CDK17: variants seen among roughly 807,000 people sequenced by gnomAD.
CDK17 encodes the protein cyclin dependent kinase 17, also known as cyclin-dependent kinase 17.
Under a neutral mutation model 77.6 loss-of-function variants are expected in CDK17, and 24 were observed. The observed-to-expected ratio is 0.31, with a 90% CI of 0.22 to 0.44. The LOEUF is 0.44. Ranked by LOEUF, CDK17 falls within the 20% of genes least tolerant of loss-of-function variation. CDK17 has a pLI of 1.00. For missense variants in CDK17, 429 were observed against 622.5 expected (o/e 0.69, Z 3.31); for synonymous variants, 203 against 210.4 (o/e 0.96, Z 0.30).
At position 96,329,524 on chromosome 12, in the gene CDK17, T is replaced by C. The variant is rs567524079; in HGVS notation, c.118+5195A>G. On this transcript the variant is annotated intron_variant, in intron 2 of 16. Transcript: ENST00000261211. ...ACATGCAATTTCATAGCCCAACTTG[T>C]AGCCTAAGCCATTCCCTCCTCCCAA... is the stretch of plus-strand genomic sequence containing the variant. Among the ~76,000 whole-genome samples, 12 of 152,322 alleles carry C rather than the reference T, an allele frequency of 7.9e-5. No homozygotes were observed. The East Asian group carries it at 2.3e-3, about 29-fold the overall frequency.
Position 96,337,387 on chromosome 12 carries a change from C to A in CDK17, c.-29-2522G>T, listed in dbSNP as rs78211903. 7.1e-3 allele frequency among the ~76,000 whole-genome samples: 1,074 copies of A among 152,252 alleles called. 13 individuals carry two copies. Among genetic ancestry groups the A allele is most frequent in the African/African-American group, 0.024 (993 of 41,550 alleles). On this transcript the variant is annotated intron_variant, in intron 1 of 16. Transcript: ENST00000261211. The stretch of plus-strand genomic sequence containing the variant: ...CAGAGTGTGTCTGTCTCCCTTCTCT[C>A]CTGAATCTTGACTCTTCAAGTGTTG...
chr12:96,327,880 G>A (rs897346145), intron 2 of CDK17, among the ~76,000 whole-genome samples: 3 of 152,238 alleles, frequency 2.0e-5, no homozygotes, highest in East Asian at 3.9e-4. Context: ...CAGATCAACT[G>A]TTAAACATAT....
chr12:96,324,977 AGAC>A, intron 2 of CDK17, among the ~76,000 whole-genome samples: 1 of 152,276 alleles, frequency 6.6e-6, no homozygotes, highest in East Asian at 1.9e-4. Flanking sequence ...AAACAATCAC[AGAC>A]CCATAACCAA....
intron 1 of CDK17, among the ~76,000 whole-genome samples, chr12:96,352,384 G>C (rs1340448125): frequency 1.3e-5 from 2 of 151,296 alleles, no homozygotes; most frequent in Non-Finnish European, 2.9e-5. Context: ...AGTGGGGCTA[G>C]AGAGAGAGAA....
At chr12:96,346,491 AG>A in intron 1 of CDK17, among the ~76,000 whole-genome samples, 1 of 151,944 alleles carries the variant, frequency 6.6e-6, no homozygotes, top group East Asian at 1.9e-4. Flanking sequence ...AGCCAGGCGT[AG>A]TGGCGTGCAC....
intron 3 of CDK17, among the ~76,000 whole-genome samples, chr12:96,322,767 T>G (rs886456376): frequency 6.6e-6 from 1 of 152,234 alleles, no homozygotes; most frequent in African/African-American, 2.4e-5. Flanking sequence ...ATTCATTACC[T>G]TTGTTTTTAA....
At chr12:96,356,858 T>C (rs947189041) in intron 1 of CDK17, among the ~76,000 whole-genome samples, 1 of 152,256 alleles carries the variant, frequency 6.6e-6, no homozygotes, top group Non-Finnish European at 1.5e-5. Context: ...TTTGTATACA[T>C]TGTCTGCTGG....
At chr12:96,286,561 T>TA (rs1477828721) in intron 12 of CDK17, 103 bp downstream of exon 12, 3 of 736,072 alleles carry the variant, frequency 4.1e-6, no homozygotes, top group Non-Finnish European at 6.9e-6. Context: ...CTGTTTATGT[T>TA]AGTCTCAGTA....
At chr12:96,287,584 A>G (rs146936551) in intron 11 of CDK17, among the ~76,000 whole-genome samples, 7 of 152,312 alleles carry the variant, frequency 4.6e-5, no homozygotes, top group Non-Finnish European at 7.4e-5. Context: ...AATCAGGCCA[A>G]TGCAGGAGGA....
chr12:96,356,272 T>C (rs749305022), intron 1 of CDK17, among the ~76,000 whole-genome samples: 1 of 152,188 alleles, frequency 6.6e-6, no homozygotes, highest in African/African-American at 2.4e-5. Context: ...ACATGAAAAC[T>C]GTTTGAGCCA....
At chr12:96,368,397 G>A (rs1175140009) in intron 1 of CDK17, among the ~76,000 whole-genome samples, 1 of 152,140 alleles carries the variant, frequency 6.6e-6, no homozygotes, top group East Asian at 1.9e-4. Flanking sequence ...TGTGGCTCTT[G>A]ATTTAAATTG....
At chr12:96,294,317 C>T (rs565490872) in intron 10 of CDK17, among the ~76,000 whole-genome samples, 1 of 152,170 alleles carries the variant, frequency 6.6e-6, no homozygotes, top group South Asian at 2.1e-4. Context: ...ACGGCCTGGG[C>T]ATGGTGGCTC....
intron 1 of CDK17, among the ~76,000 whole-genome samples, chr12:96,381,943 T>C (rs570863689): frequency 6.6e-6 from 1 of 152,158 alleles, no homozygotes; most frequent in Admixed American, 6.5e-5. Flanking sequence ...TATAATTATA[T>C]TTTTCTAAAA....
At position 96,378,660 on chromosome 12, in the gene CDK17, G is replaced by A. The variant is rs76868177; in HGVS notation, c.-30+21326C>T. Among the ~76,000 whole-genome samples, 3 of 152,310 alleles carry A rather than the reference G, an allele frequency of 2.0e-5. No individual in the cohort carries two copies. The East Asian group carries it at 5.8e-4, about 29-fold the overall frequency. ...ACAATTGCTTGTTCAAATAGAAAATGTTACATGTATATTGTTATTCATTTG... is the reference window on the plus strand; with the variant it reads ...ACAATTGCTTGTTCAAATAGAAAATATTACATGTATATTGTTATTCATTTG... On this transcript the variant is annotated intron_variant, in intron 1 of 16. Transcript: ENST00000261211.
intron 5 of CDK17, chr12:96,303,611 C>T (rs974494060): frequency 1.3e-5 from 2 of 151,984 alleles, no homozygotes; most frequent in African/African-American, 2.4e-5. Context: ...AAATACTTCA[C>T]TTTTTGACAG....
intron 2 of CDK17, among the ~76,000 whole-genome samples, chr12:96,332,916 T>A (rs1392495570): frequency 6.6e-6 from 1 of 152,202 alleles, no homozygotes; most frequent in Non-Finnish European, 1.5e-5. Flanking sequence ...CTAGAAAATA[T>A]GCAATTGGTC....
At chr12:96,359,597 A>G (rs1953462243) in intron 1 of CDK17, among the ~76,000 whole-genome samples, 1 of 152,244 alleles carries the variant, frequency 6.6e-6, no homozygotes, top group Admixed American at 6.5e-5. Context: ...AGTAGGTAGC[A>G]ATTCCTATCA....
At chr12:96,380,077 G>A (rs1239693834) in intron 1 of CDK17, among the ~76,000 whole-genome samples, 1 of 151,452 alleles carries the variant, frequency 6.6e-6, no homozygotes, top group Non-Finnish European at 1.5e-5. Context: ...GCTGAGGTGG[G>A]AGGATCACCT....
At chr12:96,305,118 T>TAC (rs1390691255) in intron 5 of CDK17, among the ~76,000 whole-genome samples, 8 of 152,346 alleles carry the variant, frequency 5.3e-5, no homozygotes, top group Admixed American at 1.3e-4. Flanking sequence ...CCTGACTATC[T>TAC]ACATATAGGC....
Sources: allele counts gnomAD v4.1 joint callset (sites outside exome capture counted in the v4.1 genomes callset), GRCh38; gene constraint gnomAD v4.1.1; transcripts MANE v1.5; gene names NCBI Gene and HGNC (gene_info 2026-07-23, HGNC 2026-07-21).